DPP6: variants seen among roughly 807,000 people sequenced by gnomAD.
The protein encoded by DPP6 is dipeptidyl peptidase like 6, also known as A-type potassium channel modulatory protein DPP6.
A neutral mutation model predicts 122.6 loss-of-function variants in DPP6; 69 were observed. The observed-to-expected ratio is 0.56, with a 90% CI of 0.46 to 0.69. DPP6 has a LOEUF of 0.69. Among genes scored for constraint, DPP6 ranks in the 30% least tolerant of loss-of-function variants. DPP6 has a pLI of 0.00. For missense variants in DPP6, 928 were observed against 1,116.9 expected (o/e 0.83, Z 2.41); for synonymous variants, 418 against 433.1 (o/e 0.97, Z 0.43).
At chr7:154,709,474 C>T (rs1731498305) in intron 7 of DPP6, among the ~76,000 whole-genome samples, 1 of 152,166 alleles carries the variant, frequency 6.6e-6, no homozygotes, top group African/African-American at 2.4e-5. Flanking sequence ...CCCACCTTGG[C>T]CTCCCAAAGT....
intron 10 of DPP6, among the ~76,000 whole-genome samples, chr7:154,776,854 C>G (rs182927666): frequency 7.2e-5 from 11 of 152,264 alleles, no homozygotes; most frequent in African/African-American, 2.2e-4. Flanking sequence ...GGAATGAACC[C>G]TAAGCCATGC....
intron 7 of DPP6, among the ~76,000 whole-genome samples, chr7:154,680,291 A>G (rs1839201269): frequency 1.3e-5 from 2 of 152,356 alleles, no homozygotes; most frequent in Non-Finnish European, 1.5e-5. Flanking sequence ...AAGAGTCATC[A>G]AGACATTCCT....
intron 7 of DPP6, among the ~76,000 whole-genome samples, chr7:154,724,233 C>T (rs1236276880): frequency 6.6e-6 from 1 of 152,146 alleles, no homozygotes; most frequent in Admixed American, 6.5e-5. Context: ...ATCTCCCCCT[C>T]CTCCCCAGAG....
intron 1 of DPP6, among the ~76,000 whole-genome samples, chr7:153,940,853 A>G (rs535717542): frequency 5.3e-5 from 8 of 152,306 alleles, no homozygotes; most frequent in Middle Eastern, 3.4e-3. Context: ...GCATATGCGC[A>G]GCTTCAAGAC....
intron 1 of DPP6, among the ~76,000 whole-genome samples, chr7:154,334,612 C>G (rs529994654): frequency 6.6e-6 from 1 of 152,292 alleles, no homozygotes. Flanking sequence ...AAAAAAAATA[C>G]AAGCCTGGGC....
intron 1 of DPP6, among the ~76,000 whole-genome samples, chr7:153,913,820 G>C (rs577207363): frequency 1.1e-4 from 16 of 152,288 alleles, no homozygotes; most frequent in South Asian, 2.1e-4. Context: ...TCTGAGTAAG[G>C]GGGGGAAGAG....
intron 1 of DPP6, among the ~76,000 whole-genome samples, chr7:154,340,543 G>A (rs1241857262): frequency 6.6e-6 from 1 of 152,142 alleles, no homozygotes; most frequent in Non-Finnish European, 1.5e-5. Context: ...ATTTTAATGA[G>A]TGTATTTTAT....
At chr7:154,114,695 C>T (rs533378554) in intron 1 of DPP6, among the ~76,000 whole-genome samples, 1 of 152,312 alleles carries the variant, frequency 6.6e-6, no homozygotes, top group South Asian at 2.1e-4. Context: ...GAGCTGCACT[C>T]TCCATACTGA....
chr7:154,114,434 G>A, intron 1 of DPP6, among the ~76,000 whole-genome samples: 1 of 152,084 alleles, frequency 6.6e-6, no homozygotes, highest in Non-Finnish European at 1.5e-5. Context: ...CAAGTCCTGA[G>A]CTTGACACAA....
At chr7:154,233,690 T>G (rs1801038548) in intron 1 of DPP6, among the ~76,000 whole-genome samples, 1 of 152,144 alleles carries the variant, frequency 6.6e-6, no homozygotes, top group Non-Finnish European at 1.5e-5. Context: ...TAGGACAGAT[T>G]CTCTTACACA....
chr7:154,676,195 GTGCTGTCTGGAGGTCCAGCTGCCCTTC>G (rs1838891087), intron 7 of DPP6, among the ~76,000 whole-genome samples: 1 of 137,622 alleles, frequency 7.3e-6, no homozygotes, highest in Non-Finnish European at 1.6e-5. Context: ...GCCTTGCAGC[GTGCTGTCTGGAGGTCCAGCTGCCCTTC>G]CCCATGTGAC....
chr7:154,447,641 A>G (rs982659823), intron 2 of DPP6, among the ~76,000 whole-genome samples: 5 of 152,180 alleles, frequency 3.3e-5, no homozygotes, highest in African/African-American at 1.2e-4. Flanking sequence ...CAACATGCCA[A>G]TACCCCTTAT....
intron 1 of DPP6, among the ~76,000 whole-genome samples, chr7:154,374,521 T>C (rs1038995380): frequency 3.9e-5 from 6 of 152,184 alleles, no homozygotes; most frequent in African/African-American, 1.4e-4. Flanking sequence ...CTCATGCTTC[T>C]GTCTTTCCCC....
chr7:154,715,534 G>A (rs73728203), intron 7 of DPP6, among the ~76,000 whole-genome samples: 3 of 152,172 alleles, frequency 2.0e-5, no homozygotes, highest in Non-Finnish European at 4.4e-5. Flanking sequence ...ATTGTGATAG[G>A]CTATTTTAAG....
chr7:153,884,545 T>C (rs1262610535), upstream of DPP6, among the ~76,000 whole-genome samples: 1 of 152,210 alleles, frequency 6.6e-6, no homozygotes, highest in Non-Finnish European at 1.5e-5. Flanking sequence ...CCCAAAGGAA[T>C]ATAAATCATG....
chr7:154,877,244 T>C lies in DPP6; in HGVS notation c.2078+1144T>C, dbSNP rs1416012425. The C allele has an allele frequency of 1.3e-5, 2 of 152,260 alleles. No homozygotes were observed. Among genetic ancestry groups the C allele is most frequent in the Non-Finnish European group, 2.9e-5 (2 of 68,072 alleles). 9.4% of individuals were successfully genotyped at this position (152,260 alleles called of 1,614,324 possible). A position where few individuals can be genotyped will look rare whatever the true frequency, so the allele number is the denominator to read the frequency against. ...GTTCCGGTCCTCCTCCAGGGAGCTATGAGCTGGGTGATGGCAGACAAAGCA... is the reference window on the plus strand; with the variant it reads ...GTTCCGGTCCTCCTCCAGGGAGCTACGAGCTGGGTGATGGCAGACAAAGCA... On this transcript the variant is annotated intron_variant, in intron 20 of 25. Coordinates refer to ENST00000377770, the MANE Select transcript of DPP6 (RefSeq NM_130797.4). The surrounding 1 kb of genome is among the most constrained non-coding windows in gnomAD (Gnocchi z 5.2).
intron 1 of DPP6, among the ~76,000 whole-genome samples, chr7:154,073,420 G>A (rs62485615): frequency 0.16 from 23,285 of 149,450 alleles, 324 homozygotes; most frequent in East Asian, 0.29. Context: ...GCTCCTCTCC[G>A]TGGCTCTGGC....
intron 5 of DPP6, among the ~76,000 whole-genome samples, chr7:154,593,507 C>T (rs896900401): frequency 6.6e-6 from 1 of 152,194 alleles, no homozygotes; most frequent in Non-Finnish European, 1.5e-5. Context: ...TATTGATTAT[C>T]AACTCTGGCA....
chr7:153,918,032 G>T (rs1800403306), intron 1 of DPP6, among the ~76,000 whole-genome samples: 1 of 152,190 alleles, frequency 6.6e-6, no homozygotes, highest in Non-Finnish European at 1.5e-5. Context: ...TACAGTGATT[G>T]TTAGTTTTAA....
Sources: gnomAD v4.1 joint callset for allele counts (sites outside exome capture counted in the v4.1 genomes callset) on GRCh38, gnomAD v4.1.1 for gene constraint, Gnocchi (gnomAD v3.1) non-coding constraint, MANE v1.5 for transcripts, NCBI Gene and HGNC (gene_info 2026-07-23, HGNC 2026-07-21) for gene names.